The following PIBF1 variants were observed in gnomAD, a reference collection of about 807,000 sequenced individuals.
PIBF1 encodes the protein progesterone immunomodulatory binding factor 1.
In PIBF1, 90 loss-of-function variants were observed where a neutral mutation model predicts 112.5. That is an observed-to-expected ratio of 0.80 (90% CI 0.67 to 0.95). The LOEUF (loss-of-function observed/expected upper bound fraction) is 0.95, where lower values mean the gene tolerates loss of function less well. Among genes scored for constraint, PIBF1 ranks in the 40% least tolerant of loss-of-function variants. The pLI is 0.00. For missense variants in PIBF1, 915 were observed against 852.3 expected (o/e 1.07, Z -0.92); for synonymous variants, 301 against 288.6 (o/e 1.04, Z -0.44).
chr13:72,905,080 TGGAG>T (rs2040647971), intron 11 of PIBF1, among the ~76,000 whole-genome samples: 1 of 146,818 alleles, frequency 6.8e-6, no homozygotes, highest in African/African-American at 2.5e-5. Context: ...TTTTTTTTTT[TGGAG>T]ACAGAGTCTC....
intron 15 of PIBF1, among the ~76,000 whole-genome samples, chr13:72,966,933 T>A (rs1408492540): frequency 6.8e-6 from 1 of 147,306 alleles, no homozygotes; most frequent in African/African-American, 2.6e-5. Flanking sequence ...TAAAATTAAA[T>A]TTTGAATCTT....
At chr13:72,949,317 TTTTTTTTTTTTTTTTTG>T in intron 14 of PIBF1, among the ~76,000 whole-genome samples, 1 of 127,562 alleles carries the variant, frequency 7.8e-6, no homozygotes, top group African/African-American at 3.1e-5. Context: ...TTTTTTTTTT[TTTTTTTTTTTTTTTTTG>T]AGACAGAGTC....
intron 14 of PIBF1, among the ~76,000 whole-genome samples, chr13:72,958,380 C>T (rs1191383658): frequency 6.8e-6 from 1 of 148,124 alleles, no homozygotes; most frequent in Non-Finnish European, 1.5e-5. Context: ...ATAGTTCTAT[C>T]TACTTCAATG....
chr13:72,791,345 C>A (rs749088088), intron 2 of PIBF1, among the ~76,000 whole-genome samples: 2 of 152,100 alleles, frequency 1.3e-5, no homozygotes, highest in African/African-American at 4.8e-5. Flanking sequence ...TGAATCACCA[C>A]GCCCTGCCTG....
intron 13 of PIBF1, among the ~76,000 whole-genome samples, chr13:72,921,729 C>G (rs78809093): frequency 6.6e-6 from 1 of 151,914 alleles, no homozygotes; most frequent in African/African-American, 2.4e-5. Context: ...CCAGGCAATA[C>G]CACAAAATTA....
At chr13:72,885,336 T>C (rs1006698868) in intron 10 of PIBF1, among the ~76,000 whole-genome samples, 1 of 152,170 alleles carries the variant, frequency 6.6e-6, no homozygotes, top group Admixed American at 6.6e-5. Flanking sequence ...CTTAATTCAC[T>C]GGTTTTTTCA....
At chr13:72,981,101 C>T (rs939662477) in intron 16 of PIBF1, among the ~76,000 whole-genome samples, 10 of 151,440 alleles carry the variant, frequency 6.6e-5, no homozygotes, top group Non-Finnish European at 1.0e-4. Context: ...AAAAATTCGC[C>T]GGGCGTGGTG....
intron 2 of PIBF1, among the ~76,000 whole-genome samples, chr13:72,785,766 C>A (rs2034566303): frequency 6.6e-6 from 1 of 152,208 alleles, no homozygotes; most frequent in Non-Finnish European, 1.5e-5. Flanking sequence ...CATTAATTCA[C>A]CCACTCAGTC....
At chr13:72,875,291 A>G (rs1220722819) in intron 10 of PIBF1, among the ~76,000 whole-genome samples, 1 of 152,142 alleles carries the variant, frequency 6.6e-6, no homozygotes, top group Non-Finnish European at 1.5e-5. Context: ...ATCACAGTTC[A>G]TCTGTTCACC....
chr13:72,923,720 T>G (rs534662798), intron 13 of PIBF1, among the ~76,000 whole-genome samples: 1 of 152,328 alleles, frequency 6.6e-6, no homozygotes, highest in African/African-American at 2.4e-5. Flanking sequence ...ATCCCAGCAC[T>G]TTGGGATGCT....
intron 11 of PIBF1, chr13:72,901,161 A>G (rs1410693409): frequency 8.4e-6 from 3 of 356,340 alleles, no homozygotes; most frequent in South Asian, 4.2e-5. Flanking sequence ...TTCACAATCT[A>G]TATATCTGAC....
At chr13:72,925,542 C>CTTTTTTTTTTTTTTTTTTTT (rs59074858) in intron 13 of PIBF1, among the ~76,000 whole-genome samples, 8 of 102,034 alleles carry the variant, frequency 7.8e-5, no homozygotes, top group Non-Finnish European at 9.3e-5. Context: ...CTTTCTCTCT[C>CTTTTTTTTTTTTTTTTTTTT]TTTTTTTTTT....
At chr13:72,855,747 G>A (rs1024701682) in intron 10 of PIBF1, among the ~76,000 whole-genome samples, 41 of 152,160 alleles carry the variant, frequency 2.7e-4, no homozygotes, top group African/African-American at 8.9e-4. Flanking sequence ...CCTATAAAGC[G>A]TTTGTTTTAT....
chr13:72,793,929 C>T (rs1157003963), intron 3 of PIBF1, among the ~76,000 whole-genome samples: 1 of 152,100 alleles, frequency 6.6e-6, no homozygotes, highest in Non-Finnish European at 1.5e-5. Flanking sequence ...CGAAAAGTCT[C>T]GTGTAGAGGT....
intron 10 of PIBF1, among the ~76,000 whole-genome samples, chr13:72,870,775 A>C (rs2039127375): frequency 6.6e-6 from 1 of 151,866 alleles, no homozygotes. Context: ...ATATAAGAGA[A>C]GACTATTCCA....
intron 13 of PIBF1, among the ~76,000 whole-genome samples, chr13:72,926,185 C>T (rs937911142): frequency 4.6e-5 from 7 of 152,064 alleles, no homozygotes; most frequent in African/African-American, 1.7e-4. Flanking sequence ...ATTATATTTC[C>T]ATTGGACAAA....
chr13:72,876,938 T>G (rs1397775071), intron 10 of PIBF1, among the ~76,000 whole-genome samples: 1 of 152,168 alleles, frequency 6.6e-6, no homozygotes, highest in African/African-American at 2.4e-5. Flanking sequence ...TAGCATCAAC[T>G]TCGAATATGA....
chr13:72,826,114 T>A (rs1485603409), intron 6 of PIBF1, among the ~76,000 whole-genome samples: 1 of 151,466 alleles, frequency 6.6e-6, no homozygotes. Context: ...AATTTAAAAA[T>A]TTTTTTAATT....
intron 9 of PIBF1, among the ~76,000 whole-genome samples, chr13:72,836,520 G>C (rs2037368098): frequency 6.6e-6 from 1 of 152,088 alleles, no homozygotes; most frequent in African/African-American, 2.4e-5. Context: ...GTATTTATAA[G>C]TTAGCCACTA....
Sources: allele counts gnomAD v4.1 joint callset (sites outside exome capture counted in the v4.1 genomes callset), GRCh38; gene constraint gnomAD v4.1.1; transcripts MANE v1.5; gene names NCBI Gene and HGNC (gene_info 2026-07-23, HGNC 2026-07-21).